Variants in MYOM1 observed in about 807,000 individuals in gnomAD.
MYOM1 encodes the protein myomesin-1.
MYOM1 carries 164 observed loss-of-function variants against 205.3 expected under a neutral mutation model. The ratio of observed to expected loss-of-function variants is 0.80; its 90% CI spans 0.70 to 0.91. The LOEUF (loss-of-function observed/expected upper bound fraction) is 0.91, where lower values mean the gene tolerates loss of function less well. MYOM1 is among the 40% of genes least tolerant of loss of function. MYOM1 has a pLI of 0.00. For synonymous variants in MYOM1, 772 were observed against 789.4 expected (o/e 0.98, Z 0.37); for missense variants, 2,011 against 2,127.3 (o/e 0.95, Z 1.08).
At chr18:3,123,897 C>T (rs979079757) in intron 19 of MYOM1, among the ~76,000 whole-genome samples, 1 of 151,018 alleles carries the variant, frequency 6.6e-6, no homozygotes, top group Non-Finnish European at 1.5e-5. Flanking sequence ...TCTCAGCTCA[C>T]TGCAACCTCC....
chr18:3,235,340 A>G, the MYOM1 span, among the ~76,000 whole-genome samples: 1 of 152,154 alleles, frequency 6.6e-6, no homozygotes, highest in African/African-American at 2.4e-5. Context: ...TGGCCTTACC[A>G]TCTGTCAGAA....
intron 33 of MYOM1, among the ~76,000 whole-genome samples, chr18:3,083,427 C>CTTTTTTTTTTTTTTTT (rs35959808): frequency 1.0e-4 from 10 of 98,526 alleles, no homozygotes; most frequent in African/African-American, 1.7e-4. Context: ...TTTTCTTTTT[C>CTTTTTTTTTTTTTTTT]TTTTTTTTTT....
chr18:3,204,058 T>A lies in MYOM1; in HGVS notation c.291-10100A>T, dbSNP rs145404435. On this transcript the variant is annotated intron_variant, in intron 2 of 37. Coordinates refer to ENST00000356443, the MANE Select transcript of MYOM1 (RefSeq NM_003803.4). Reference sequence around the variant, plus strand: ...AAAAGCATTTGACAAAAGTCAGCATTCTTATTAATAACTCTCAATAGAATA... The same window carrying A: ...AAAAGCATTTGACAAAAGTCAGCATACTTATTAATAACTCTCAATAGAATA... 1.6e-4 allele frequency among the ~76,000 whole-genome samples: 24 copies of A among 152,054 alleles called. 1 individual carries two copies. The East Asian group carries it at 4.6e-3, about 29-fold the overall frequency.
At chr18:3,128,503 C>A (rs1363620793) in intron 18 of MYOM1, among the ~76,000 whole-genome samples, 2 of 152,142 alleles carry the variant, frequency 1.3e-5, no homozygotes, top group Non-Finnish European at 2.9e-5. Flanking sequence ...AAATAAATCA[C>A]TTCTGGGAAT....
chr18:3,184,525 G>A (rs2080783313), intron 5 of MYOM1, among the ~76,000 whole-genome samples: 2 of 152,132 alleles, frequency 1.3e-5, no homozygotes, highest in South Asian at 4.1e-4. Flanking sequence ...CTTGCTCTCA[G>A]AAGTATAGTT....
chr18:3,139,552 C>T (rs572861919), intron 14 of MYOM1, among the ~76,000 whole-genome samples: 1 of 152,310 alleles, frequency 6.6e-6, no homozygotes, highest in South Asian at 2.1e-4. Context: ...CAGGAGCACA[C>T]AGACCTTTTC....
rs541637824 is a variant in MYOM1, at chr18:3,142,030, G to C, written c.1934C>G (p.Ser645Cys). 1 of 1,613,886 alleles carries C rather than the reference G, an allele frequency of 6.2e-7. No individual in the cohort carries two copies. Among genetic ancestry groups the C allele is most frequent in the South Asian group, 1.1e-5 (1 of 91,074 alleles). ...ATAGCTCCGGGTGGCCTCAGTGACAGAGAGGTCTGTCGGGGGGCCAGGCAC... is the reference window on the plus strand; with the variant it reads ...ATAGCTCCGGGTGGCCTCAGTGACACAGAGGTCTGTCGGGGGGCCAGGCAC... ...GIVPGPPTDL[S>C]VTEATRSYVV... Residue 645 changes from serine to cysteine, a missense_variant, in exon 14 of 38, where the codon TCT becomes TGT. Coordinates refer to ENST00000356443, the MANE Select transcript of MYOM1 (RefSeq NM_003803.4).
intron 13 of MYOM1, among the ~76,000 whole-genome samples, chr18:3,147,221 A>C (rs1300988614): frequency 6.7e-6 from 1 of 149,838 alleles, no homozygotes; most frequent in African/African-American, 2.4e-5. Context: ...CAAAAACAGA[A>C]AGGCAGTAAA....
intron 37 of MYOM1, among the ~76,000 whole-genome samples, chr18:3,070,265 C>T (rs2078944447): frequency 6.6e-6 from 1 of 152,186 alleles, no homozygotes. Context: ...CCTCCCATCT[C>T]AGCCTCCAGA....
At chr18:3,106,341 C>T (rs910858344) in intron 22 of MYOM1, among the ~76,000 whole-genome samples, 6 of 152,104 alleles carry the variant, frequency 3.9e-5, no homozygotes, top group African/African-American at 7.2e-5. Context: ...AAAGATGTTG[C>T]TTATTTGCCT....
At chr18:3,203,445 G>C (rs768056390) in intron 2 of MYOM1, among the ~76,000 whole-genome samples, 29 of 151,606 alleles carry the variant, frequency 1.9e-4, no homozygotes, top group South Asian at 1.7e-3. Flanking sequence ...TGAAAGAGGA[G>C]ACATCACTAA....
intron 9 of MYOM1, among the ~76,000 whole-genome samples, chr18:3,167,086 A>G (rs2080482686): frequency 6.6e-6 from 1 of 152,212 alleles, no homozygotes; most frequent in Non-Finnish European, 1.5e-5. Context: ...ATACCTAGGC[A>G]TAAAGGGAGG....
At chr18:3,107,272 C>G (rs1391635363) in intron 22 of MYOM1, among the ~76,000 whole-genome samples, 2 of 152,160 alleles carry the variant, frequency 1.3e-5, no homozygotes, top group African/African-American at 4.8e-5. Flanking sequence ...CATGTGCCAC[C>G]ACGCTGGGCT....
intron 19 of MYOM1, among the ~76,000 whole-genome samples, chr18:3,125,954 C>T (rs909142130): frequency 3.9e-5 from 6 of 152,042 alleles, no homozygotes; most frequent in Non-Finnish European, 7.4e-5. Flanking sequence ...TCCCTTCATC[C>T]GCTGTAATTT....
At chr18:3,096,593 A>AC (rs1481060068) in intron 25 of MYOM1, among the ~76,000 whole-genome samples, 1 of 152,098 alleles carries the variant, frequency 6.6e-6, no homozygotes, top group African/African-American at 2.4e-5. Flanking sequence ...GGCGAGAGCC[A>AC]CCACACCTGG....
the MYOM1 span, among the ~76,000 whole-genome samples, chr18:3,240,046 G>C: frequency 5.3e-4 from 80 of 152,284 alleles, no homozygotes; most frequent in African/African-American, 1.8e-3. Flanking sequence ...GAAACTAAAA[G>C]ATTGGCTAAA....
intron 2 of MYOM1, among the ~76,000 whole-genome samples, chr18:3,207,064 AT>A (rs1196509832): frequency 6.6e-6 from 1 of 151,592 alleles, no homozygotes; most frequent in Non-Finnish European, 1.5e-5. Context: ...TTATTGCTTT[AT>A]TTTTTCCATG....
At chr18:3,165,814 GA>G (rs1030311414) in intron 9 of MYOM1, among the ~76,000 whole-genome samples, 30 of 152,210 alleles carry the variant, frequency 2.0e-4, no homozygotes, top group African/African-American at 7.2e-4. Context: ...GCAGCCATGG[GA>G]CCCATCACCA....
chr18:3,240,433 T>C, the MYOM1 span, among the ~76,000 whole-genome samples: 1 of 152,184 alleles, frequency 6.6e-6, no homozygotes, highest in Admixed American at 6.5e-5. Context: ...TCTGACGAGA[T>C]CTGATGGTTT....
Sources: allele counts gnomAD v4.1 joint callset (sites outside exome capture counted in the v4.1 genomes callset), GRCh38; gene constraint gnomAD v4.1.1; transcripts MANE v1.5; gene names NCBI Gene and HGNC (gene_info 2026-07-23, HGNC 2026-07-21).